SIPA1L2: variants seen among roughly 807,000 people sequenced by gnomAD.
SIPA1L2 encodes the protein signal-induced proliferation-associated 1-like protein 2.
In SIPA1L2, 56 loss-of-function variants were observed where a neutral mutation model predicts 163.9. The ratio of observed to expected loss-of-function variants is 0.34; its 90% CI spans 0.28 to 0.43. The LOEUF (loss-of-function observed/expected upper bound fraction) is 0.43. Ranked by LOEUF, SIPA1L2 falls within the 20% of genes least tolerant of loss-of-function variation. The probability of loss-of-function intolerance (pLI) is 1.00; values close to 1 mark genes in which losing one functional copy is unlikely to be tolerated. For synonymous variants in SIPA1L2, 877 were observed against 865.7 expected (o/e 1.01, Z -0.23); for missense variants, 1,974 against 2,193.5 (o/e 0.90, Z 2.00).
intron 10 of SIPA1L2, 110 bp from the exon 11 acceptor site, chr1:232,445,896 C>A (rs1226859490): frequency 3.4e-5 from 42 of 1,246,556 alleles, no homozygotes; most frequent in Non-Finnish European, 4.4e-5. Flanking sequence ...GTGCCTCTCC[C>A]GGCTCCAAGT....
At chr1:232,413,346 C>A (rs1311634495) in intron 19 of SIPA1L2, among the ~76,000 whole-genome samples, 1 of 152,138 alleles carries the variant, frequency 6.6e-6, no homozygotes, top group Middle Eastern at 3.2e-3. Flanking sequence ...AAGTTATGAC[C>A]GAAATCCCTA....
intron 6 of SIPA1L2, among the ~76,000 whole-genome samples, chr1:232,483,343 G>T (rs1665465549): frequency 6.6e-6 from 1 of 151,272 alleles, no homozygotes; most frequent in Non-Finnish European, 1.5e-5. Context: ...TTTAATCACT[G>T]TTCCACCTCC....
At chr1:232,480,818 T>C (rs1665310784) in intron 6 of SIPA1L2, among the ~76,000 whole-genome samples, 1 of 152,236 alleles carries the variant, frequency 6.6e-6, no homozygotes, top group South Asian at 2.1e-4. Flanking sequence ...AATCTTTTTT[T>C]AATCTAAAAA....
intron 2 of SIPA1L2, among the ~76,000 whole-genome samples, chr1:232,547,673 C>T (rs998660941): frequency 6.6e-6 from 1 of 152,054 alleles, no homozygotes; most frequent in Non-Finnish European, 1.5e-5. Flanking sequence ...CCAGCATTGC[C>T]ATCATCCAAA....
intron 10 of SIPA1L2, among the ~76,000 whole-genome samples, chr1:232,447,036 G>A (rs917005579): frequency 1.3e-5 from 2 of 152,182 alleles, no homozygotes; most frequent in African/African-American, 4.8e-5. Context: ...AATATAAACA[G>A]CAAGTACTCA....
intron 1 of SIPA1L2, among the ~76,000 whole-genome samples, chr1:232,620,074 G>A (rs1033543023): frequency 1.3e-5 from 2 of 152,086 alleles, no homozygotes; most frequent in African/African-American, 4.8e-5. Flanking sequence ...TAGTAGAGAC[G>A]GGGTTTCACC....
chr1:232,506,319 G>A (rs551070917), intron 3 of SIPA1L2, among the ~76,000 whole-genome samples: 1 of 152,300 alleles, frequency 6.6e-6, no homozygotes, highest in South Asian at 2.1e-4. Flanking sequence ...TTACAGGGGG[G>A]ATTTGTATTA....
rs182423083 is a variant in SIPA1L2 at position 232,592,316 on chromosome 1, T to C, written c.-318-18094A>G. ...ATGAAGACAATTTTCCTCCGCTATCTGCCAGATACAATTTCTTTCACTCCA... is the reference window on the plus strand; with the variant it reads ...ATGAAGACAATTTTCCTCCGCTATCCGCCAGATACAATTTCTTTCACTCCA... On this transcript the variant is annotated intron_variant, in intron 1 of 22. Transcript: ENST00000674635. 4.0e-4 allele frequency among the ~76,000 whole-genome samples: 61 copies of C among 152,304 alleles called. No homozygotes were observed. The East Asian group carries it at 0.011, about 28-fold the overall frequency.
intron 10 of SIPA1L2, among the ~76,000 whole-genome samples, chr1:232,454,960 C>T (rs539939380): frequency 4.6e-5 from 7 of 152,314 alleles, no homozygotes; most frequent in East Asian, 3.9e-4. Flanking sequence ...CTGTCCCATC[C>T]GTTTTAACAG....
chr1:232,510,064 A>G (rs1438442632), intron 3 of SIPA1L2, among the ~76,000 whole-genome samples: 1 of 152,138 alleles, frequency 6.6e-6, no homozygotes, highest in Non-Finnish European at 1.5e-5. Flanking sequence ...CCGCATAGGG[A>G]TATTTCGGTC....
intron 11 of SIPA1L2, among the ~76,000 whole-genome samples, 186 bp downstream of exon 11, chr1:232,445,343 C>A (rs912319656): frequency 4.6e-5 from 7 of 152,184 alleles, no homozygotes; most frequent in African/African-American, 1.7e-4. Context: ...CCAGCACCAT[C>A]TTGGGGCCAG....
At chr1:232,557,397 G>A (rs1460618882) in intron 2 of SIPA1L2, among the ~76,000 whole-genome samples, 1 of 152,050 alleles carries the variant, frequency 6.6e-6, no homozygotes, top group African/African-American at 2.4e-5. Context: ...TTTAACTTTG[G>A]TCAAAGGTTA....
chr1:232,601,921 G>C (rs1014033152), intron 1 of SIPA1L2, among the ~76,000 whole-genome samples: 2 of 152,122 alleles, frequency 1.3e-5, no homozygotes, highest in Non-Finnish European at 2.9e-5. Context: ...TATTATTTAT[G>C]ATTTAAAATA....
intron 17 of SIPA1L2, among the ~76,000 whole-genome samples, chr1:232,427,033 G>A (rs1661945649): frequency 6.6e-6 from 1 of 152,184 alleles, no homozygotes. Flanking sequence ...CTGATGAAAG[G>A]TAACTGGAAT....
At chr1:232,582,011 A>G (rs1246954626) in intron 1 of SIPA1L2, among the ~76,000 whole-genome samples, 6 of 152,336 alleles carry the variant, frequency 3.9e-5, no homozygotes, top group East Asian at 1.9e-4. Context: ...TTCTTGATAG[A>G]TATGTCTGCA....
intron 2 of SIPA1L2, among the ~76,000 whole-genome samples, chr1:232,549,574 T>C (rs1462244091): frequency 3.3e-5 from 5 of 152,182 alleles, no homozygotes; most frequent in Admixed American, 3.3e-4. Context: ...TGGGAGCTCC[T>C]ATTATGTGGG....
chr1:232,551,798 G>T (rs1184785461), intron 2 of SIPA1L2, among the ~76,000 whole-genome samples: 1 of 152,306 alleles, frequency 6.6e-6, no homozygotes, highest in East Asian at 1.9e-4. Context: ...CCAGGCCAAG[G>T]AATTTTAACT....
At chr1:232,437,403 T>G (rs922207287) in intron 15 of SIPA1L2, among the ~76,000 whole-genome samples, 1 of 152,256 alleles carries the variant, frequency 6.6e-6, no homozygotes, top group African/African-American at 2.4e-5. Context: ...ATTATTATAT[T>G]AGTTATTAGT....
At chr1:232,588,725 A>G (rs986630539) in intron 1 of SIPA1L2, among the ~76,000 whole-genome samples, 9 of 152,254 alleles carry the variant, frequency 5.9e-5, no homozygotes, top group African/African-American at 1.9e-4. Flanking sequence ...CCACAGCTAC[A>G]TATCACAACA....
Sources: gnomAD v4.1 joint callset for allele counts (sites outside exome capture counted in the v4.1 genomes callset) on GRCh38, gnomAD v4.1.1 for gene constraint, MANE v1.5 for transcripts, NCBI Gene and HGNC (gene_info 2026-07-23, HGNC 2026-07-21) for gene names.